FGGY: variants seen among roughly 807,000 people sequenced by gnomAD.
FGGY encodes FGGY carbohydrate kinase domain containing, also known as FGGY carbohydrate kinase domain-containing protein.
In FGGY, 72 loss-of-function variants were observed where a neutral mutation model predicts 71.3. The observed-to-expected ratio is 1.01, with a 90% CI of 0.84 to 1.23. FGGY has a LOEUF of 1.23. Ranked by LOEUF, FGGY falls within the 50% of genes most tolerant of loss-of-function variation. The pLI is 0.00. For missense variants in FGGY, 668 were observed against 682.3 expected, an observed-to-expected ratio of 0.98 and a Z score of 0.23; for synonymous variants, 251 against 250.3, an observed-to-expected ratio of 1.00 and a Z score of -0.02.
chr1:59,704,335 G>T (rs1429396759), intron 14 of FGGY, among the ~76,000 whole-genome samples: 1 of 152,020 alleles, frequency 6.6e-6, no homozygotes, highest in Non-Finnish European at 1.5e-5. Flanking sequence ...ATTGAAAAAT[G>T]ACAGGAATAC....
At chr1:59,752,013 G>A (rs1323777617) in intron 14 of FGGY, among the ~76,000 whole-genome samples, 1 of 152,170 alleles carries the variant, frequency 6.6e-6, no homozygotes, top group Non-Finnish European at 1.5e-5. Flanking sequence ...GAGTTGGAGA[G>A]CTCCCACTCT....
chr1:59,392,537 A>T (rs554932887), intron 5 of FGGY, among the ~76,000 whole-genome samples: 14 of 152,098 alleles, frequency 9.2e-5, no homozygotes, highest in Non-Finnish European at 1.9e-4. Context: ...AGTCTGTAAG[A>T]TGTAGTGGGG....
intron 8 of FGGY, among the ~76,000 whole-genome samples, chr1:59,568,464 C>CGGGGGGGGGGG: frequency 1.7e-5 from 1 of 59,400 alleles, no homozygotes; most frequent in Non-Finnish European, 3.7e-5. Context: ...GTCGGGGGGG[C>CGGGGGGGGGGG]GGGGGGGGGT....
intron 7 of FGGY, among the ~76,000 whole-genome samples, chr1:59,536,724 A>C (rs1314866758): frequency 6.6e-6 from 1 of 152,232 alleles, no homozygotes; most frequent in African/African-American, 2.4e-5. Flanking sequence ...AATATAATCC[A>C]GCATATACAG....
At chr1:59,318,196 G>A (rs376856829) in intron 1 of FGGY, among the ~76,000 whole-genome samples, 1 of 152,220 alleles carries the variant, frequency 6.6e-6, no homozygotes, top group African/African-American at 2.4e-5. Context: ...TAAAATGGGA[G>A]TGATCATAGT....
At chr1:59,755,054 G>A (rs1246955538) in intron 14 of FGGY, 1 of 152,170 alleles carries the variant, frequency 6.6e-6, no homozygotes, top group Non-Finnish European at 1.5e-5. Flanking sequence ...ACTTCACCCT[G>A]GAAGGAGGCC....
chr1:59,479,527 A>G (rs1159772624), intron 6 of FGGY, among the ~76,000 whole-genome samples: 1 of 152,186 alleles, frequency 6.6e-6, no homozygotes, highest in Non-Finnish European at 1.5e-5. Flanking sequence ...AATAGGTAGG[A>G]AGAAGACAAA....
intron 8 of FGGY, among the ~76,000 whole-genome samples, chr1:59,572,072 T>C (rs1307474692): frequency 2.6e-5 from 4 of 152,182 alleles, no homozygotes; most frequent in Non-Finnish European, 5.9e-5. Flanking sequence ...TTCTGAAGGA[T>C]ACATGAGTAC....
chr1:59,426,519 G>A (rs2066395483), intron 5 of FGGY, among the ~76,000 whole-genome samples: 1 of 152,134 alleles, frequency 6.6e-6, no homozygotes, highest in African/African-American at 2.4e-5. Flanking sequence ...TTCACAATAT[G>A]TTTTAATTTC....
intron 1 of FGGY, among the ~76,000 whole-genome samples, chr1:59,301,010 A>G (rs1269155878): frequency 1.3e-5 from 2 of 152,164 alleles, no homozygotes; most frequent in Admixed American, 6.5e-5. Flanking sequence ...AATAAGGCCT[A>G]TTTAGATTTT....
chr1:59,544,700 A>AATACAAGTGAGAAATACAACTTAC (rs369058809), intron 7 of FGGY, among the ~76,000 whole-genome samples: 38 of 152,348 alleles, frequency 2.5e-4, no homozygotes, highest in African/African-American at 8.4e-4. Context: ...ACAAGTGAGA[A>AATACAAGTGAGAAATACAACTTAC]AAGTGAGTTT....
chr1:59,464,780 A>C (rs2092504205), intron 6 of FGGY, among the ~76,000 whole-genome samples: 2 of 152,240 alleles, frequency 1.3e-5, no homozygotes, highest in Admixed American at 1.3e-4. Flanking sequence ...GAAGAAATGG[A>C]TAAATTCCTG....
chr1:59,425,514 T>G (rs917664673), intron 5 of FGGY, among the ~76,000 whole-genome samples: 12 of 152,118 alleles, frequency 7.9e-5, no homozygotes, highest in African/African-American at 2.9e-4. Context: ...GGAAATGAGC[T>G]TTCCATTTTG....
intron 7 of FGGY, among the ~76,000 whole-genome samples, chr1:59,520,347 C>T (rs1347656269): frequency 6.6e-6 from 1 of 152,152 alleles, no homozygotes; most frequent in Non-Finnish European, 1.5e-5. Flanking sequence ...GTTTCTAGCT[C>T]ATCTATTTCA....
intron 7 of FGGY, among the ~76,000 whole-genome samples, chr1:59,542,439 TCTTTA>T: frequency 6.8e-6 from 1 of 147,902 alleles, no homozygotes; most frequent in Admixed American, 6.8e-5. Context: ...ATATGTATGT[TCTTTA>T]CTTTTTTTTT....
At chr1:59,598,152 T>A (rs1278427900) in intron 8 of FGGY, among the ~76,000 whole-genome samples, 1 of 152,234 alleles carries the variant, frequency 6.6e-6, no homozygotes. Context: ...CATGATATAA[T>A]TTTATATCTT....
At chr1:59,594,893 C>A (rs114973576) in intron 8 of FGGY, among the ~76,000 whole-genome samples, 2 of 152,340 alleles carry the variant, frequency 1.3e-5, no homozygotes, top group Non-Finnish European at 2.9e-5. Context: ...GTGCACAGAT[C>A]TCCAGAAATG....
intron 14 of FGGY, among the ~76,000 whole-genome samples, chr1:59,703,265 C>G (rs1356024983): frequency 6.6e-6 from 1 of 152,202 alleles, no homozygotes; most frequent in South Asian, 2.1e-4. Flanking sequence ...AGGATACCAT[C>G]TCTGTGCTGA....
At chr1:59,639,525 A>G (rs2096997713) in intron 11 of FGGY, among the ~76,000 whole-genome samples, 1 of 152,198 alleles carries the variant, frequency 6.6e-6, no homozygotes, top group African/African-American at 2.4e-5. Context: ...GCCATGTGGC[A>G]ACAGACCGCA....
Sources: allele counts gnomAD v4.1 joint callset (sites outside exome capture counted in the v4.1 genomes callset), GRCh38; gene constraint gnomAD v4.1.1; transcripts MANE v1.5; gene names NCBI Gene and HGNC (gene_info 2026-07-23, HGNC 2026-07-21).